The following CCDC18 variants were observed in gnomAD, a reference collection of about 807,000 sequenced individuals.
The protein encoded by CCDC18 is coiled-coil domain containing 18.
A neutral mutation model predicts 196.0 loss-of-function variants in CCDC18; 157 were observed. That is an observed-to-expected ratio of 0.80 (90% CI 0.70 to 0.91). The LOEUF (loss-of-function observed/expected upper bound fraction) is 0.91. CCDC18 is among the 40% of genes least tolerant of loss of function. CCDC18 has a pLI of 0.00. For missense variants in CCDC18, 1,465 were observed against 1,611.6 expected (o/e 0.91, Z 1.56); for synonymous variants, 482 against 529.2 (o/e 0.91, Z 1.22).
At chr1:93,184,745 G>A (rs1650334398) in intron 3 of CCDC18, among the ~76,000 whole-genome samples, 1 of 151,822 alleles carries the variant, frequency 6.6e-6, no homozygotes, top group South Asian at 2.1e-4. Context: ...ACACAGATAT[G>A]GTTGCACATA....
At chr1:93,196,249 A>G (rs975677284) in intron 6 of CCDC18, among the ~76,000 whole-genome samples, 31 of 152,186 alleles carry the variant, frequency 2.0e-4, no homozygotes, top group Non-Finnish European at 5.9e-5. Flanking sequence ...GCTTGAGCCT[A>G]GGAGGCAGAG....
chr1:93,202,461 T>G (rs2783498), intron 7 of CCDC18, among the ~76,000 whole-genome samples: 125,876 of 152,108 alleles, frequency 0.83, 52,316 homozygotes, highest in East Asian at 1. Flanking sequence ...TATTCATTTA[T>G]TATCTTTAAG....
intron 18 of CCDC18, 45 bp downstream of exon 18, chr1:93,232,638 A>T: frequency 7.2e-7 from 1 of 1,392,506 alleles, no homozygotes; most frequent in Non-Finnish European, 9.8e-7. Flanking sequence ...ATGAAATAGA[A>T]ATTTTTAAAA....
At chr1:93,203,624 A>G (rs1288925234) in intron 7 of CCDC18, among the ~76,000 whole-genome samples, 1 of 152,186 alleles carries the variant, frequency 6.6e-6, no homozygotes, top group African/African-American at 2.4e-5. Flanking sequence ...AACATTTTAA[A>G]AAGAAGGTGG....
Position 93,270,454 on chromosome 1 carries a change from T to G in CCDC18, c.3993T>G (p.Asp1331Glu). ...PFTSPTEIMPDVQDPKFAKCF... is the reference protein window; with the variant it reads ...PFTSPTEIMPEVQDPKFAKCF... The stretch of plus-strand genomic sequence containing the variant: ...CATCTCCAACAGAAATTATGCCTGA[T>G]GTTCAAGATCCAAAATTTGCTAAAT... Residue 1331 changes from aspartate (D) to glutamate (E), a missense_variant, in exon 28 of 29, where the codon GAT (aspartate) becomes GAG (glutamate). Physicochemically the swap from Asp to Glu is conservative, Grantham distance 45. Transcript: ENST00000690025. 1 of 1,550,446 alleles carries G rather than the reference T, an allele frequency of 6.4e-7. No homozygotes were observed. Among genetic ancestry groups the G allele is most frequent in the Non-Finnish European group, 8.7e-7 (1 of 1,146,892 alleles).
At chr1:93,214,714 CAG>C (rs1413890044) in intron 11 of CCDC18, 27 bp from the exon 12 acceptor site, 6 of 1,517,276 alleles carry the variant, frequency 4.0e-6, no homozygotes, top group Non-Finnish European at 5.5e-6. Context: ...AAGTCCTATT[CAG>C]AACAATTTTC....
intron 27 of CCDC18, among the ~76,000 whole-genome samples, chr1:93,265,152 C>T (rs935294067): frequency 1.3e-5 from 2 of 152,044 alleles, no homozygotes; most frequent in African/African-American, 4.8e-5. Context: ...GGGTTTTATA[C>T]TTGATGTACC....
At chr1:93,251,751 G>T (rs556237962) in intron 23 of CCDC18, among the ~76,000 whole-genome samples, 4 of 151,900 alleles carry the variant, frequency 2.6e-5, no homozygotes, top group African/African-American at 7.3e-5. Context: ...ATGTCTTAGG[G>T]TGTTATTATT....
chr1:93,238,438 T>C (rs1660332321), intron 19 of CCDC18, among the ~76,000 whole-genome samples: 1 of 152,182 alleles, frequency 6.6e-6, no homozygotes, highest in Non-Finnish European at 1.5e-5. Context: ...TCCTTAAGTT[T>C]ACTCATGGAC....
chr1:93,229,464 A>G (rs1230426405), intron 17 of CCDC18, among the ~76,000 whole-genome samples: 2 of 152,200 alleles, frequency 1.3e-5, no homozygotes, highest in Non-Finnish European at 2.9e-5. Context: ...CATTTTAGAA[A>G]ATCTGATTTG....
chr1:93,195,453 C>T (rs915709142), intron 6 of CCDC18, among the ~76,000 whole-genome samples: 21 of 152,094 alleles, frequency 1.4e-4, no homozygotes, highest in East Asian at 5.8e-4. Flanking sequence ...CATGAAGACT[C>T]TTGGAGCTTT....
chr1:93,225,821 T>C (rs1037216358), intron 16 of CCDC18, among the ~76,000 whole-genome samples: 14 of 152,228 alleles, frequency 9.2e-5, no homozygotes, highest in African/African-American at 3.4e-4. Flanking sequence ...AACAGTATGC[T>C]AGTTTGTACT....
At chr1:93,258,339 C>T (rs1663310069) in intron 25 of CCDC18, among the ~76,000 whole-genome samples, 1 of 151,940 alleles carries the variant, frequency 6.6e-6, no homozygotes, top group African/African-American at 2.4e-5. Flanking sequence ...ATTAAAATTA[C>T]AAGCACAGTT....
chr1:93,270,237 T>C (rs1665104904), intron 27 of CCDC18, 110 bp from the exon 28 acceptor site: 1 of 664,898 alleles, frequency 1.5e-6, no homozygotes, highest in South Asian at 2.1e-5. Flanking sequence ...ATAAACAGAA[T>C]TCCTATAGTG....
intron 17 of CCDC18, among the ~76,000 whole-genome samples, chr1:93,229,313 G>A (rs1658885767): frequency 6.6e-6 from 1 of 152,192 alleles, no homozygotes; most frequent in African/African-American, 2.4e-5. Flanking sequence ...AAAAAACGTG[G>A]AGAAGAATCC....
At chr1:93,182,479 A>G (rs1397175233) in intron 1 of CCDC18, among the ~76,000 whole-genome samples, 1 of 152,212 alleles carries the variant, frequency 6.6e-6, no homozygotes, top group Admixed American at 6.5e-5. Flanking sequence ...CTACAGTGAA[A>G]AAGGTAAATG....
chr1:93,271,925 T>A (rs1015214618), intron 28 of CCDC18, among the ~76,000 whole-genome samples: 2 of 151,594 alleles, frequency 1.3e-5, no homozygotes, highest in Non-Finnish European at 2.9e-5. Flanking sequence ...CCTCTTCTTA[T>A]TTTGAACTAA....
intron 27 of CCDC18, among the ~76,000 whole-genome samples, chr1:93,267,844 G>A (rs1224039360): frequency 1.3e-5 from 2 of 152,134 alleles, no homozygotes; most frequent in Non-Finnish European, 2.9e-5. Context: ...TCAATATAAT[G>A]AAAATGGCCA....
intron 28 of CCDC18, chr1:93,273,667 C>T (rs1665479779): frequency 6.6e-6 from 1 of 152,168 alleles, no homozygotes; most frequent in South Asian, 2.1e-4. Context: ...TCACAAATTT[C>T]TAGAATGTTC....
Sources: gnomAD v4.1 joint callset for allele counts (sites outside exome capture counted in the v4.1 genomes callset) on GRCh38, gnomAD v4.1.1 for gene constraint, MANE v1.5 for transcripts, NCBI Gene and HGNC (gene_info 2026-07-23, HGNC 2026-07-21) for gene names.